Variants in DNAH7 observed in about 807,000 individuals in gnomAD.
DNAH7 encodes dynein axonemal heavy chain 7.
In DNAH7, 397 loss-of-function variants were observed where a neutral mutation model predicts 444.6. That is an observed-to-expected ratio of 0.89 (90% CI 0.82 to 0.97). The LOEUF is 0.97. Ranked by LOEUF, DNAH7 falls within the 50% of genes least tolerant of loss-of-function variation. The pLI is 0.00. For missense variants in DNAH7, 4,902 were observed against 4,800.8 expected (o/e 1.02, Z -0.62); for synonymous variants, 1,636 against 1,624.4 (o/e 1.01, Z -0.17).
chr2:195,739,071 A>G (rs1044947270), intron 64 of DNAH7, among the ~76,000 whole-genome samples: 1 of 152,158 alleles, frequency 6.6e-6, no homozygotes, highest in African/African-American at 2.4e-5. Flanking sequence ...TCTAATGAGA[A>G]TTTTTATTTC....
chr2:195,957,377 G>T lies in DNAH7; in HGVS notation c.2962C>A (p.Leu988Met). The T allele has an allele frequency of 6.2e-7, 1 of 1,605,190 alleles. No individual in the cohort carries two copies. Residue 988 changes from leucine (L) to methionine (M), a missense_variant, in exon 19 of 65, where the codon CTG (leucine) becomes ATG (methionine). Transcript: ENST00000312428. ...DEWLKVQATWLYLEPIFSSPD... is the reference protein window; with the variant it reads ...DEWLKVQATWMYLEPIFSSPD... ...GAGCTGAAAATGGGCTCCAGATACAGCCACGTGGCTTGGACTTTGAGCCAT... is the reference window on the plus strand; with the variant it reads ...GAGCTGAAAATGGGCTCCAGATACATCCACGTGGCTTGGACTTTGAGCCAT...
chr2:195,998,218 C>T (rs1378964843), intron 12 of DNAH7, among the ~76,000 whole-genome samples: 1 of 151,938 alleles, frequency 6.6e-6, no homozygotes, highest in Admixed American at 6.6e-5. Flanking sequence ...CTTTAGAAAC[C>T]AGGAAGCTTG....
chr2:195,973,667 T>C (rs1487109802), intron 15 of DNAH7, among the ~76,000 whole-genome samples: 1 of 152,124 alleles, frequency 6.6e-6, no homozygotes, highest in African/African-American at 2.4e-5. Context: ...AGATGGGGTT[T>C]CACCACGTTG....
intron 5 of DNAH7, among the ~76,000 whole-genome samples, chr2:196,032,028 G>C (rs922367604): frequency 6.6e-6 from 1 of 152,102 alleles, no homozygotes; most frequent in Non-Finnish European, 1.5e-5. Context: ...CCCGAAACTG[G>C]GCAATTTACA....
intron 10 of DNAH7, 92 bp from the exon 11 acceptor site, chr2:196,001,950 G>T: frequency 1.0e-6 from 1 of 1,000,934 alleles, no homozygotes; most frequent in Non-Finnish European, 1.4e-6. Context: ...GACATCTAAA[G>T]GTCTTCATAG....
intron 16 of DNAH7, among the ~76,000 whole-genome samples, chr2:195,970,760 C>G (rs1395437567): frequency 6.6e-6 from 1 of 152,016 alleles, no homozygotes; most frequent in Non-Finnish European, 1.5e-5. Flanking sequence ...AAAAATAGCT[C>G]AATAAAATAT....
intron 54 of DNAH7, among the ~76,000 whole-genome samples, chr2:195,804,945 A>G (rs1017876911): frequency 6.6e-6 from 1 of 152,200 alleles, no homozygotes; most frequent in African/African-American, 2.4e-5. Context: ...TAGCTGAAAG[A>G]AGTATAAAAC....
chr2:195,864,229 T>G lies in DNAH7; in HGVS notation c.7426A>C (p.Ser2476Arg), dbSNP rs1422692985. 1 of 1,614,192 alleles carries G rather than the reference T, an allele frequency of 6.2e-7. No individual in the cohort carries two copies. The highest frequency in any genetic ancestry group is 8.5e-7 in the Non-Finnish European group (1 of 1,180,016). The stretch of plus-strand genomic sequence containing the variant: ...TTCCGAAATGCATCTCCAATGGGAC[T>G]CATGGCAAGGACCACATGCAGTTGG... ...RSQLHVVLAM[S>R]PIGDAFRNRL... The change falls in exon 41 of 65, where the codon AGT becomes CGT. Residue 2476 changes from serine (S) to arginine (R), a missense_variant. Transcript: ENST00000312428.
chr2:196,051,397 A>T (rs1697457848), intron 2 of DNAH7, 148 bp from the exon 3 acceptor site: 3 of 674,078 alleles, frequency 4.5e-6, no homozygotes, highest in Non-Finnish European at 7.8e-6. Context: ...TTAAATTCTC[A>T]GGTTTGTCTC....
chr2:195,914,142 A>G (rs1367898839), intron 24 of DNAH7, among the ~76,000 whole-genome samples: 2 of 152,224 alleles, frequency 1.3e-5, no homozygotes, highest in Non-Finnish European at 1.5e-5. Context: ...TATTTCACTC[A>G]GTACACTGTA....
At chr2:196,063,782 TC>T (rs1346087100) in intron 1 of DNAH7, 1 of 152,254 alleles carries the variant, frequency 6.6e-6, no homozygotes, top group African/African-American at 2.4e-5. Context: ...CATCATTCCA[TC>T]AATTTCAACC....
chr2:196,001,075 T>C lies in DNAH7; in HGVS notation c.1174-192A>G, dbSNP rs371454882. On this transcript the variant is annotated intron_variant, in intron 11 of 64. Transcript: ENST00000312428. ...TACAGTTGATGATATCCAGTATCCA[T>C]TGGGACTACAGGTCAACTACAGGGT... is the stretch of plus-strand genomic sequence containing the variant. Among the ~76,000 whole-genome samples, 7 of 152,060 alleles carry C rather than the reference T, an allele frequency of 4.6e-5. No individual in the cohort carries two copies. In the East Asian group the frequency reaches 7.7e-4, roughly 17 times the overall value.
At chr2:195,893,119 GT>G (rs142339898) in intron 30 of DNAH7, 2 of 149,814 alleles carry the variant, frequency 1.3e-5, no homozygotes, top group South Asian at 2.1e-4. Context: ...AATTTTTTGT[GT>G]TTTTTTTTAA....
At chr2:195,772,172 A>ACAG (rs1694870796) in intron 60 of DNAH7, among the ~76,000 whole-genome samples, 2 of 152,230 alleles carry the variant, frequency 1.3e-5, no homozygotes, top group Admixed American at 6.5e-5. Context: ...CTGCCAGGGT[A>ACAG]CAGGGGGAGT....
chr2:195,945,790 G>GA (rs1201749837), intron 19 of DNAH7, among the ~76,000 whole-genome samples: 1 of 152,156 alleles, frequency 6.6e-6, no homozygotes, highest in Admixed American at 6.6e-5. Flanking sequence ...AAATGTTTGG[G>GA]AAAAAATTTA....
At chr2:195,954,318 G>A (rs1690485045) in intron 19 of DNAH7, among the ~76,000 whole-genome samples, 1 of 152,086 alleles carries the variant, frequency 6.6e-6, no homozygotes. Flanking sequence ...GAGAATCATG[G>A]TTTCCAGCTT....
intron 5 of DNAH7, among the ~76,000 whole-genome samples, chr2:196,032,055 T>C (rs186109320): frequency 1.3e-5 from 2 of 152,302 alleles, no homozygotes; most frequent in Admixed American, 6.5e-5. Context: ...ATAGGTTTAA[T>C]AGAACTTACA....
At chr2:195,935,872 AG>A (rs1426244040) in intron 20 of DNAH7, among the ~76,000 whole-genome samples, 3 of 152,116 alleles carry the variant, frequency 2.0e-5, no homozygotes, top group African/African-American at 7.2e-5. Context: ...ACACTGAGAA[AG>A]GAGGCTGCCC....
intron 4 of DNAH7, among the ~76,000 whole-genome samples, 181 bp from the exon 5 acceptor site, chr2:196,047,680 C>T (rs1343279128): frequency 2.0e-5 from 3 of 151,000 alleles, no homozygotes; most frequent in Non-Finnish European, 4.4e-5. Context: ...TTTGTATCAT[C>T]ATAACTAGAA....
Sources: gnomAD v4.1 joint callset for allele counts (sites outside exome capture counted in the v4.1 genomes callset) on GRCh38, gnomAD v4.1.1 for gene constraint, MANE v1.5 for transcripts, NCBI Gene and HGNC (gene_info 2026-07-23, HGNC 2026-07-21) for gene names.